The following UBAP2 variants were observed in gnomAD, a reference collection of about 807,000 sequenced individuals.
UBAP2 encodes ubiquitin-associated protein 2.
Under a neutral mutation model 139.6 loss-of-function variants are expected in UBAP2, and 75 were observed. That is an observed-to-expected ratio of 0.54 (90% CI 0.45 to 0.65). The LOEUF (loss-of-function observed/expected upper bound fraction) is 0.65, where lower values mean the gene tolerates loss of function less well. Among genes scored for constraint, UBAP2 ranks in the 30% least tolerant of loss-of-function variants. The probability of loss-of-function intolerance (pLI) is 0.00; values close to 1 mark genes in which losing one functional copy is unlikely to be tolerated. For synonymous variants in UBAP2, 526 were observed against 526.2 expected, an observed-to-expected ratio of 1.00 and a Z score of 0.01; for missense variants, 1,368 against 1,369.6, an observed-to-expected ratio of 1.00 and a Z score of 0.02.
At chr9:34,048,582 G>A (rs1827831521) in intron 1 of UBAP2, among the ~76,000 whole-genome samples, 1 of 152,162 alleles carries the variant, frequency 6.6e-6, no homozygotes, top group South Asian at 2.1e-4. Context: ...CAGCCGACCT[G>A]GACGGGGGAA....
chr9:34,000,335 C>T lies in UBAP2; in HGVS notation c.100-1471G>A, dbSNP rs377381704. 2.6e-5 allele frequency among the ~76,000 whole-genome samples: 4 copies of T among 152,150 alleles called. No homozygotes were observed. In the East Asian group the frequency reaches 5.8e-4, roughly 22 times the overall value. ...TCAAAATATTTTTTCAATCACATTA[C>T]TGACTGAAGTTTCGTTTTCTGATGT... On this transcript the variant is annotated intron_variant, in intron 2 of 28. Transcript: ENST00000379238.
Position 34,005,889 on chromosome 9 carries a change from T to A in UBAP2, c.100-7025A>T, listed in dbSNP as rs540749091. On this transcript the variant is annotated intron_variant, in intron 2 of 28. Coordinates refer to ENST00000379238, the MANE Select transcript of UBAP2 (RefSeq NM_001370062.2). ...AATACACCGTCCTTGAGAATATCAA[T>A]CCCTAAATAATCAGTCCACACTAAG... is the stretch of plus-strand genomic sequence containing the variant. Among the ~76,000 whole-genome samples, 3 of 152,250 alleles carry A rather than the reference T, an allele frequency of 2.0e-5. No individual in the cohort carries two copies. In the South Asian group the frequency reaches 6.2e-4, roughly 32 times the overall value.
Position 33,923,452 on chromosome 9 carries a change from A to G in UBAP2, c.2823T>C (p.His941=). Residue 941 remains histidine, a synonymous_variant, in exon 25 of 29, where the codon CAT becomes CAC. Transcript: ENST00000379238. Reference sequence around the variant, plus strand: ...GTGTGGGAGTGCTGAGGTTCACCCCATGTTGCTTGGCTGAGGCTGGAGGGA... The same window carrying G: ...GTGTGGGAGTGCTGAGGTTCACCCCGTGTTGCTTGGCTGAGGCTGGAGGGA... ...MFVPPASAKQ[H]GVNLSTPTPP... The G allele has an allele frequency of 1.9e-6, 3 of 1,614,064 alleles. No homozygotes were observed. Among genetic ancestry groups the G allele is most frequent in the Non-Finnish European group, 2.5e-6 (3 of 1,179,978 alleles).
Position 33,989,208 on chromosome 9 carries a change from T to C in UBAP2, c.289-82A>G, listed in dbSNP as rs1265940617. 8 of 1,076,000 alleles carry C rather than the reference T, an allele frequency of 7.4e-6. No homozygotes were observed. The East Asian group carries it at 2.1e-4, about 28-fold the overall frequency. The allele number at this position is 1,076,000 out of a possible 1,614,324, so 66.7% of individuals were successfully genotyped here. A position where few individuals can be genotyped will look rare whatever the true frequency, so the allele number is the denominator to read the frequency against. ...AGGCACATGCATGTATCTTTCTTTTTTTTTTTTTTTTTGAGACGGAGTCTC... is the reference window on the plus strand; with the variant it reads ...AGGCACATGCATGTATCTTTCTTTTCTTTTTTTTTTTTGAGACGGAGTCTC... On this transcript the variant is annotated intron_variant, in intron 4 of 28. Transcript: ENST00000379238.
intron 2 of UBAP2, among the ~76,000 whole-genome samples, chr9:34,014,382 G>A (rs1260066687): frequency 7.2e-6 from 1 of 139,836 alleles, no homozygotes; most frequent in African/African-American, 2.7e-5. Context: ...TATAATCACA[G>A]CACCTTTGAA....
intron 6 of UBAP2, among the ~76,000 whole-genome samples, chr9:33,984,441 C>G (rs1286441035): frequency 6.6e-6 from 1 of 151,924 alleles, no homozygotes; most frequent in Non-Finnish European, 1.5e-5. Flanking sequence ...GGTAGGAGGA[C>G]AGCTTGAGGC....
Position 33,927,844 on chromosome 9 carries a change from G to C in UBAP2, c.2324C>G (p.Ala775Gly). ...ANSLCLGGTP[A>G]SASSSSSRAA... is the part of the protein sequence containing the mutation. The stretch of plus-strand genomic sequence containing the variant: ...CCTGCTACTGCTGCTGGATGCACTC[G>C]CGGGGGTCCCACCCAGACAGAGGCT... The change falls in exon 20 of 29, where the codon GCG becomes GGG. Residue 775 changes from alanine (A) to glycine (G), a missense_variant. Transcript: ENST00000379238. 6.2e-7 allele frequency: 1 copy of C among 1,614,132 alleles called. No individual in the cohort carries two copies. The highest frequency in any genetic ancestry group is 8.5e-7 in the Non-Finnish European group (1 of 1,180,006).
chr9:34,037,979 G>A (rs1166470632), intron 1 of UBAP2, among the ~76,000 whole-genome samples: 1 of 119,990 alleles, frequency 8.3e-6, no homozygotes, highest in East Asian at 2.4e-4. Flanking sequence ...TGTGCAATAT[G>A]ATGAAACCCT....
At position 33,923,245 on chromosome 9, in the gene UBAP2, C is replaced by A. The variant is rs201362659; in HGVS notation, c.2945G>T (p.Gly982Val). The A allele has an allele frequency of 1.1e-4, 184 of 1,614,238 alleles. 1 individual carries two copies. In the East Asian group the frequency reaches 3.8e-3, roughly 33 times the overall value. ...QGTAAGDYSKGGYAGSSQAPN... is the reference protein window; with the variant it reads ...QGTAAGDYSKVGYAGSSQAPN... The stretch of plus-strand genomic sequence containing the variant: ...TGCCTGCGATGATCCAGCATAGCCA[C>A]CTTTGGAGTAGTCTCCTGCTGCTGT... Residue 982 changes from glycine (G) to valine (V), a missense_variant, in exon 26 of 29, where the codon GGT becomes GTT. Physicochemically the swap from Gly to Val is moderately radical, Grantham distance 109. Transcript: ENST00000379238.
At chr9:33,962,070 T>C (rs1315748952) in intron 9 of UBAP2, among the ~76,000 whole-genome samples, 5 of 152,030 alleles carry the variant, frequency 3.3e-5, no homozygotes, top group African/African-American at 4.8e-5. Context: ...ATGAAGTTAA[T>C]GAAAGCCAGA....
intron 2 of UBAP2, among the ~76,000 whole-genome samples, chr9:34,007,486 C>CA (rs34275156): frequency 0.06 from 7,728 of 128,464 alleles, 212 homozygotes; most frequent in Non-Finnish European, 0.078. Flanking sequence ...GACCCTGTCT[C>CA]AAAAAAAAAA....
chr9:34,048,911 G>T (rs1163497168), upstream of UBAP2: 2 of 152,188 alleles, frequency 1.3e-5, no homozygotes, highest in African/African-American at 4.8e-5. Flanking sequence ...CGGCGGCGGC[G>T]GCACAGGCTG....
Position 33,996,248 on chromosome 9 carries a change from A to G in UBAP2, c.263T>C (p.Ile88Thr), listed in dbSNP as rs146767784. 1.2e-6 allele frequency: 2 copies of G among 1,612,926 alleles called. No individual in the cohort carries two copies. Among genetic ancestry groups the G allele is most frequent in the African/African-American group, 1.3e-5 (1 of 74,920 alleles). Residue 88 changes from isoleucine to threonine, a missense_variant, in exon 4 of 29, where the codon ATA becomes ACA. Transcript: ENST00000379238. ...CNGDVNKAINILLEGNSDTTS... is the reference protein window; with the variant it reads ...CNGDVNKAINTLLEGNSDTTS... ...TGTGTCTGAATTCCCTTCCAGCAAT[A>G]TATTGATAGCTTTGTTCACATCTCC...
intron 6 of UBAP2, among the ~76,000 whole-genome samples, chr9:33,977,429 A>G (rs1299107034): frequency 6.6e-6 from 1 of 152,190 alleles, no homozygotes; most frequent in African/African-American, 2.4e-5. Context: ...CTCACCTGGT[A>G]GTAACGCTAC....
At chr9:33,927,561 C>T (rs1004083365) in intron 20 of UBAP2, among the ~76,000 whole-genome samples, 1 of 152,154 alleles carries the variant, frequency 6.6e-6, no homozygotes, top group Non-Finnish European at 1.5e-5. Context: ...AACTCGGCTC[C>T]AGGAAAGAAC....
chr9:33,991,196 G>A (rs2131156220), intron 4 of UBAP2, among the ~76,000 whole-genome samples: 1 of 152,272 alleles, frequency 6.6e-6, no homozygotes, highest in South Asian at 2.1e-4. Flanking sequence ...TGAGGCAGGA[G>A]AATCAATTGA....
At chr9:33,963,870 C>A in intron 8 of UBAP2, 79 bp from the exon 9 acceptor site, 1 of 1,058,164 alleles carries the variant, frequency 9.5e-7, no homozygotes, top group South Asian at 1.3e-5. Context: ...TGGTCACTGT[C>A]AAAGCTATGT....
chr9:33,946,160 CT>C (rs1825638338), intron 13 of UBAP2, among the ~76,000 whole-genome samples: 1 of 152,140 alleles, frequency 6.6e-6, no homozygotes, highest in South Asian at 2.1e-4. Context: ...GTGTTCTTTA[CT>C]TATAGACTGT....
chr9:33,999,513 T>G (rs1822502978), intron 2 of UBAP2, among the ~76,000 whole-genome samples: 1 of 152,096 alleles, frequency 6.6e-6, no homozygotes, highest in Non-Finnish European at 1.5e-5. Context: ...AAAGCTGTAT[T>G]TAGCTAAATT....
Sources: allele counts gnomAD v4.1 joint callset (sites outside exome capture counted in the v4.1 genomes callset), GRCh38; gene constraint gnomAD v4.1.1; transcripts MANE v1.5; gene names NCBI Gene and HGNC (gene_info 2026-07-23, HGNC 2026-07-21).